The following SLC41A3 variants were observed in gnomAD, a reference collection of about 807,000 sequenced individuals.
SLC41A3 encodes the protein solute carrier family 41 member 3, also known as SLC41A1-like 2.
In SLC41A3, 44 loss-of-function variants were observed where a neutral mutation model predicts 45.4. That is an observed-to-expected ratio of 0.97 (90% confidence interval 0.76 to 1.25). The LOEUF (loss-of-function observed/expected upper bound fraction) is 1.25. Ranked by LOEUF, SLC41A3 falls within the 50% of genes most tolerant of loss-of-function variation. The pLI, the probability that SLC41A3 is intolerant of heterozygous loss-of-function variation, is 0.00. For missense variants in SLC41A3, 550 were observed against 600.6 expected, an observed-to-expected ratio of 0.92 and a Z score of 0.88; for synonymous variants, 256 against 252.4, an observed-to-expected ratio of 1.01 and a Z score of -0.13.
At chr3:126,078,259 G>A (rs1237207728) in intron 1 of SLC41A3, among the ~76,000 whole-genome samples, 1 of 152,182 alleles carries the variant, frequency 6.6e-6, no homozygotes, top group Admixed American at 6.5e-5. Context: ...CTTCCAGCCT[G>A]ACCCCTCAGG....
chr3:126,024,609 G>A (rs1434458359), intron 5 of SLC41A3: 4 of 152,346 alleles, frequency 2.6e-5, no homozygotes, highest in African/African-American at 9.6e-5. Flanking sequence ...TGGTAGGAAT[G>A]AGAATAGCCC....
At chr3:126,021,329 T>G (rs1291802813) in intron 6 of SLC41A3, among the ~76,000 whole-genome samples, 1 of 152,204 alleles carries the variant, frequency 6.6e-6, no homozygotes, top group Admixed American at 6.5e-5. Context: ...GTGCAGTGTG[T>G]TTATTGAAGT....
chr3:126,094,106 C>T (rs988701055), intron 1 of SLC41A3, among the ~76,000 whole-genome samples: 2 of 152,118 alleles, frequency 1.3e-5, no homozygotes, highest in African/African-American at 4.8e-5. Flanking sequence ...AGATTTATTA[C>T]AACAATGGGG....
intron 1 of SLC41A3, chr3:126,095,181 C>G (rs898803734): frequency 4.4e-5 from 30 of 686,646 alleles, no homozygotes; most frequent in Admixed American, 2.3e-4. Context: ...ATGCTTATGT[C>G]TCTCCAGGCC....
At chr3:126,043,759 T>C (rs1477032016) in intron 3 of SLC41A3, among the ~76,000 whole-genome samples, 1 of 132,136 alleles carries the variant, frequency 7.6e-6, no homozygotes, top group African/African-American at 2.9e-5. Context: ...ATTTATAAAA[T>C]ATAAACAAAA....
At chr3:126,028,781 G>A (rs1941571104) in intron 4 of SLC41A3, among the ~76,000 whole-genome samples, 1 of 152,254 alleles carries the variant, frequency 6.6e-6, no homozygotes, top group South Asian at 2.1e-4. Context: ...AGCCACAGAG[G>A]CAGAGCTGCC....
At chr3:126,024,665 G>A (rs1463902725) in intron 5 of SLC41A3, 1 of 152,284 alleles carries the variant, frequency 6.6e-6, no homozygotes, top group Non-Finnish European at 1.5e-5. Flanking sequence ...TACTGACTGA[G>A]CAAGTAGGTG....
chr3:126,027,317 T>A (rs1325430251), intron 4 of SLC41A3, among the ~76,000 whole-genome samples: 1 of 143,592 alleles, frequency 7.0e-6, no homozygotes, highest in Non-Finnish European at 1.5e-5. Flanking sequence ...GAGTTCTGGT[T>A]ATTTAAAAGT....
Position 126,012,672 on chromosome 3 carries a change from G to T in SLC41A3, c.1048C>A (p.Leu350Met), listed in dbSNP as rs1939840249. The change falls in exon 9 of 11, where the codon CTG becomes ATG. Residue 350 changes from leucine to methionine, a missense_variant. Leu to Met is a conservative substitution (Grantham distance 15, BLOSUM62 2). Transcript: ENST00000360370. ...CAGAATTTCTTCATCTGGAGGGGCA[G>T]GACGCCAGGTGCACTCCACATGTGC... ...YLHMWSAPGV[L>M]PLQMKKFWPN... 13 of 1,614,092 alleles carry T rather than the reference G, an allele frequency of 8.1e-6. No homozygotes were observed. Among genetic ancestry groups the T allele is most frequent in the Non-Finnish European group, 1.1e-5 (13 of 1,180,042 alleles).
At chr3:126,016,970 G>A (rs1181416287) in intron 6 of SLC41A3, 95 bp from the exon 7 acceptor site, 11 of 1,444,650 alleles carry the variant, frequency 7.6e-6, no homozygotes, top group Admixed American at 4.8e-5. Context: ...GGGTGAGGAC[G>A]CTCCTGTCCT....
chr3:126,042,213 A>G (rs1942640252), intron 3 of SLC41A3, among the ~76,000 whole-genome samples: 1 of 152,116 alleles, frequency 6.6e-6, no homozygotes, highest in Non-Finnish European at 1.5e-5. Flanking sequence ...TGCCTGGGGG[A>G]AAGAGATTAT....
intron 9 of SLC41A3, among the ~76,000 whole-genome samples, chr3:126,012,353 T>C (rs1227963632): frequency 5.9e-5 from 9 of 152,212 alleles, no homozygotes; most frequent in African/African-American, 1.9e-4. Context: ...TACTGTGTAC[T>C]TCAAGGGCAA....
At chr3:126,047,418 T>C (rs772991249) in intron 3 of SLC41A3, among the ~76,000 whole-genome samples, 21 of 152,316 alleles carry the variant, frequency 1.4e-4, no homozygotes, top group Non-Finnish European at 2.5e-4. Context: ...AATACATTTA[T>C]AGATTCCTAT....
chr3:126,023,055 C>G, intron 5 of SLC41A3, 123 bp from the exon 6 acceptor site: 3 of 1,353,826 alleles, frequency 2.2e-6, no homozygotes, highest in Non-Finnish European at 3.0e-6. Flanking sequence ...AGGGAGGCTG[C>G]TCATTAACTT....
chr3:126,019,765 G>A (rs950206610), intron 6 of SLC41A3, among the ~76,000 whole-genome samples: 51 of 152,196 alleles, frequency 3.4e-4, no homozygotes, highest in Non-Finnish European at 4.4e-4. Context: ...CCAGGCCTCT[G>A]AGATCCCCCT....
chr3:126,046,003 C>A (rs1398737502), intron 3 of SLC41A3, among the ~76,000 whole-genome samples: 2 of 151,414 alleles, frequency 1.3e-5, no homozygotes, highest in South Asian at 2.1e-4. Flanking sequence ...GGAAAAAAAA[C>A]CACATGATGA....
intron 2 of SLC41A3, chr3:126,057,242 A>G: frequency 1.1e-6 from 1 of 877,016 alleles, no homozygotes; most frequent in Middle Eastern, 5.8e-4. Flanking sequence ...CTGTGTTCAC[A>G]GAAAAAAACG....
chr3:126,049,894 T>C (rs1943209915), intron 3 of SLC41A3, among the ~76,000 whole-genome samples: 2 of 152,280 alleles, frequency 1.3e-5, no homozygotes, highest in South Asian at 4.1e-4. Flanking sequence ...CAGAGCTCCA[T>C]CTCTTGGCTC....
At chr3:126,057,125 C>T (rs1303303599) in intron 2 of SLC41A3, 29 of 986,248 alleles carry the variant, frequency 2.9e-5, no homozygotes, top group South Asian at 4.7e-5. Flanking sequence ...CTACAGACCT[C>T]GAGTTTTATT....
Sources: allele counts gnomAD v4.1 joint callset (sites outside exome capture counted in the v4.1 genomes callset), GRCh38; gene constraint gnomAD v4.1.1; transcripts MANE v1.5; gene names NCBI Gene and HGNC (gene_info 2026-07-23, HGNC 2026-07-21).